Variants in RTEL1 observed in about 807,000 individuals in gnomAD.
The protein encoded by RTEL1 is regulator of telomere length.
A neutral mutation model predicts 162.2 loss-of-function variants in RTEL1; 86 were observed. The ratio of observed to expected loss-of-function variants is 0.53; its 90% CI spans 0.45 to 0.63. The LOEUF (loss-of-function observed/expected upper bound fraction) is 0.63, where lower values mean the gene tolerates loss of function less well. Ranked by LOEUF, RTEL1 falls within the 30% of genes least tolerant of loss-of-function variation. The pLI, the probability that RTEL1 is intolerant of heterozygous loss-of-function variation, is 0.00. For missense variants in RTEL1, 1,941 were observed against 1,750.2 expected (o/e 1.11, Z -1.95); for synonymous variants, 958 against 717.9 (o/e 1.33, Z -5.35).
intron 14 of RTEL1, chr20:63,681,439 C>A: frequency 3.0e-6 from 3 of 985,334 alleles, no homozygotes; most frequent in Non-Finnish European, 2.4e-6. Context: ...CCTGTGAGGC[C>A]TCCTCTGTGC....
Position 63,689,644 on chromosome 20 carries a change from G to A in RTEL1, c.2021G>A (p.Gly674Asp), listed in dbSNP as rs1188949331. ...ATGAAGGGCCAGGGTGGGGCTGGGG[G>A]CCAGGTGAGTTACAGCAGGGTGGGG... is the stretch of plus-strand genomic sequence containing the variant. ...DEMKGQGGAG[G>D]QFLSGQEWYR... Residue 674 changes from glycine to aspartate, a missense_variant, in exon 23 of 35, where the codon GGC (glycine) becomes GAC (aspartate). Coordinates refer to ENST00000360203, the MANE Select transcript of RTEL1 (RefSeq NM_001283009.2). 1.2e-6 allele frequency: 2 copies of A among 1,608,534 alleles called. No individual in the cohort carries two copies. Among genetic ancestry groups the A allele is most frequent in the Non-Finnish European group, 1.7e-6 (2 of 1,176,896 alleles).
In RTEL1 at chr20:63,668,751, C is replaced by T. The variant is rs2090190231; in HGVS notation, c.699+1198C>T. Among the ~76,000 whole-genome samples, 1 of 152,184 alleles carries T rather than the reference C, an allele frequency of 6.6e-6. No homozygotes were observed. The highest frequency in any genetic ancestry group is 1.5e-5 in the Non-Finnish European group (1 of 68,036). On this transcript the variant is annotated intron_variant, in intron 8 of 34. Transcript: ENST00000360203. This position sits in a 1 kb window ranked among gnomAD's most constrained non-coding sequence, Gnocchi z 4.3. ...GGAGAGCTTCTAACCCAACCAGGCC[C>T]CTCCCTGGGACAGTTATATCACAGC...
At chr20:63,693,462 T>TTCACCTCCACCACCA (rs377133003) in intron 30 of RTEL1, among the ~76,000 whole-genome samples, 179 bp downstream of exon 30, 2 of 9,546 alleles carry the variant, frequency 2.1e-4, no homozygotes, top group Non-Finnish European at 4.2e-4. Flanking sequence ...CACCTCCACC[T>TTCACCTCCACCACCA]CCACCTCCAC....
chr20:63,681,687 A>C, intron 14 of RTEL1: 6 of 985,276 alleles, frequency 6.1e-6, no homozygotes, highest in Non-Finnish European at 7.2e-6. Context: ...AGCGGGGGCG[A>C]GACCTGGGCA....
rs62217792 is a variant in RTEL1 at position 63,693,729 on chromosome 20, A to T, written c.2992+446A>T. On this transcript the variant is annotated intron_variant, in intron 30 of 34. Coordinates refer to ENST00000360203, the MANE Select transcript of RTEL1 (RefSeq NM_001283009.2). ...CTCCACCACCACCACCTGCACCACC[A>T]CCTCCACCTCCACCACCACCACCAC... Among the ~76,000 whole-genome samples, 15 of 7,964 alleles carry T rather than the reference A, an allele frequency of 1.9e-3. 3 individuals are homozygous for T. The highest frequency in any genetic ancestry group is 6.1e-3 in the African/African-American group (4 of 654). The allele number at this position is 7,964 out of a possible 152,430, so 5.2% of individuals were successfully genotyped here. A position where few individuals can be genotyped will look rare whatever the true frequency, so the allele number is the denominator to read the frequency against.
At chr20:63,672,333 G>A (rs2090260417) in intron 8 of RTEL1, among the ~76,000 whole-genome samples, 2 of 152,288 alleles carry the variant, frequency 1.3e-5, no homozygotes, top group South Asian at 2.1e-4. Flanking sequence ...AGCGTGGCAC[G>A]TGCCTTTCCA....
At chr20:63,670,428 C>T (rs1243666043) in intron 8 of RTEL1, among the ~76,000 whole-genome samples, 2 of 150,510 alleles carry the variant, frequency 1.3e-5, no homozygotes, top group Non-Finnish European at 3.0e-5. Flanking sequence ...GGAGAGCATC[C>T]GGACAGACGT....
chr20:63,659,183 C>A (rs1443499579), intron 1 of RTEL1, 50 bp from the exon 2 acceptor site: 12 of 562,716 alleles, frequency 2.1e-5, no homozygotes, highest in Non-Finnish European at 3.6e-5. Flanking sequence ...GGAAAGTAGC[C>A]CGGTACCCAC....
At chr20:63,682,507 G>C (rs888545331) in intron 14 of RTEL1, 2 of 985,644 alleles carry the variant, frequency 2.0e-6, no homozygotes, top group African/African-American at 3.5e-5. Flanking sequence ...CTCTGGAACC[G>C]AATCCTGCAC....
At position 63,689,021 on chromosome 20, in the gene RTEL1, G is replaced by GC. The variant is rs374481365; in HGVS notation, c.1801-33dup. 3.2e-6 allele frequency: 5 copies of GC among 1,577,362 alleles called. No homozygotes were observed. The Admixed American group carries it at 5.0e-5, about 16-fold the overall frequency. On this transcript the variant is annotated intron_variant, in intron 21 of 34. Coordinates refer to ENST00000360203, the MANE Select transcript of RTEL1 (RefSeq NM_001283009.2). Reference sequence around the variant, plus strand: ...TGGGGGAGGAAGGGGCTGGGGGGGGGCTCCAGGCTCAGCCTCACCAACTTT... The same window carrying GC: ...TGGGGGAGGAAGGGGCTGGGGGGGGGCCTCCAGGCTCAGCCTCACCAACTTT...
At chr20:63,660,913 T>A in intron 2 of RTEL1, 1 of 216,460 alleles carries the variant, frequency 4.6e-6, no homozygotes, top group Admixed American at 5.3e-5. Flanking sequence ...AGTTTCCTGC[T>A]CAGGTTCCCG....
rs2090752058 is a variant in RTEL1 at position 63,691,802 on chromosome 20, G to A, written c.2617G>A (p.Gly873Arg). Reference protein sequence around the residue: ...SEKRPAEEPRGGRKKIRLVSH... With the variant: ...SEKRPAEEPRRGRKKIRLVSH... ...GAAGAGGCCGGCAGAAGAACCGCGA[G>A]GAGGGAGGAAGAAGATCCGGCTGGT... Residue 873 changes from glycine (G) to arginine (R), a missense_variant, in exon 28 of 35, where the codon GGA becomes AGA. Transcript: ENST00000360203. The A allele has an allele frequency of 1.9e-6, 3 of 1,612,372 alleles. No individual in the cohort carries two copies. The highest frequency in any genetic ancestry group is 1.7e-6 in the Non-Finnish European group (2 of 1,179,844).
chr20:63,668,533 G>A lies in RTEL1; in HGVS notation c.699+980G>A, dbSNP rs1049325138. Among the ~76,000 whole-genome samples, 1 of 152,192 alleles carries A rather than the reference G, an allele frequency of 6.6e-6. No homozygotes were observed. The highest frequency in any genetic ancestry group is 1.5e-5 in the Non-Finnish European group (1 of 68,034). The stretch of plus-strand genomic sequence containing the variant: ...AAGCGGGCCCAAGTGCGATGTCGGC[G>A]GGAGGTGGGGAATGCTGGTGGGTCT... On this transcript the variant is annotated intron_variant, in intron 8 of 34. Transcript: ENST00000360203. The surrounding 1 kb of genome is among the most constrained non-coding windows in gnomAD (Gnocchi z 4.3).
chr20:63,662,808 A>G (rs1285959100), intron 5 of RTEL1, 21 bp from the exon 6 acceptor site: 3 of 1,613,368 alleles, frequency 1.9e-6, no homozygotes, highest in African/African-American at 1.3e-5. Context: ...TCAGCTGCGC[A>G]CTCTGCCCTT....
intron 14 of RTEL1, chr20:63,681,244 C>G: frequency 1.0e-6 from 1 of 985,460 alleles, no homozygotes; most frequent in Non-Finnish European, 1.2e-6. Context: ...AGGTCTGCTT[C>G]TGGCTCCATG....
Position 63,695,166 on chromosome 20 carries a change from C to G in RTEL1, c.3444C>G (p.Pro1148=), listed in dbSNP as rs761141453. Residue 1148 remains proline, a synonymous_variant, in exon 33 of 35, where the codon CCC becomes CCG. Transcript: ENST00000360203. ...RPYPGMEPPG[P]QEERLAVPPV... is the part of the protein sequence containing the mutation. ...ACCCGGGCATGGAGCCACCGGGACC[C>G]CAGGAGGAGAGGCTTGCCGTGCCTC... 4 of 1,612,434 alleles carry G rather than the reference C, an allele frequency of 2.5e-6. No homozygotes were observed. The highest frequency in any genetic ancestry group is 3.3e-5 in the Admixed American group (2 of 60,006).
intron 16 of RTEL1, 69 bp from the exon 17 acceptor site, chr20:63,687,569 A>G: frequency 6.7e-7 from 1 of 1,483,664 alleles, no homozygotes; most frequent in Non-Finnish European, 9.0e-7. Context: ...TGATGGGCAG[A>G]GAGGCAGGTG....
At chr20:63,693,389 G>A (rs559984565) in intron 30 of RTEL1, 106 bp downstream of exon 30, 347 of 1,391,364 alleles carry the variant, frequency 2.5e-4, no homozygotes, top group South Asian at 2.1e-3. Flanking sequence ...GCTTGGCCCC[G>A]CCTCTCTGTT....
At chr20:63,666,691 A>G (rs6011005) in intron 7 of RTEL1, among the ~76,000 whole-genome samples, 12,915 of 151,896 alleles carry the variant, frequency 0.085, 612 homozygotes, top group African/African-American at 0.11. Flanking sequence ...ACACACCACC[A>G]TGCCTGGTTA....
Sources: gnomAD v4.1 joint callset for allele counts (sites outside exome capture counted in the v4.1 genomes callset) on GRCh38, gnomAD v4.1.1 for gene constraint, Gnocchi (gnomAD v3.1) non-coding constraint, MANE v1.5 for transcripts, NCBI Gene and HGNC (gene_info 2026-07-23, HGNC 2026-07-21) for gene names.